DSCAML1: variants seen among roughly 807,000 people sequenced by gnomAD.
DSCAML1 encodes the protein DS cell adhesion molecule like 1, also known as cell adhesion molecule DSCAML1.
Under a neutral mutation model 200.5 loss-of-function variants are expected in DSCAML1, and 38 were observed. That is an observed-to-expected ratio of 0.19 (90% CI 0.15 to 0.25). The LOEUF is 0.25. DSCAML1 is among the 10% of genes least tolerant of loss of function. The pLI is 1.00. For synonymous variants in DSCAML1, 1,215 were observed against 1,165.0 expected (o/e 1.04, Z -0.87); for missense variants, 2,223 against 2,858.8 (o/e 0.78, Z 5.07).
At chr11:117,635,125 G>A (rs2052251996) in intron 3 of DSCAML1, among the ~76,000 whole-genome samples, 1 of 152,210 alleles carries the variant, frequency 6.6e-6, no homozygotes, top group Non-Finnish European at 1.5e-5. Context: ...TGGAAGCACA[G>A]GCTGCTCTCA....
intron 3 of DSCAML1, among the ~76,000 whole-genome samples, chr11:117,756,006 A>G (rs531454547): frequency 6.6e-5 from 10 of 152,372 alleles, no homozygotes; most frequent in African/African-American, 1.4e-4. Context: ...GCTTACTGCC[A>G]TGAGTTTTCT....
intron 3 of DSCAML1, among the ~76,000 whole-genome samples, chr11:117,734,499 G>A (rs943584739): frequency 6.6e-6 from 1 of 152,140 alleles, no homozygotes; most frequent in African/African-American, 2.4e-5. Context: ...GCCACCTCGG[G>A]CTCTCCCCCA....
At chr11:117,609,704 T>C (rs1331975403) in intron 3 of DSCAML1, among the ~76,000 whole-genome samples, 1 of 152,244 alleles carries the variant, frequency 6.6e-6, no homozygotes, top group Non-Finnish European at 1.5e-5. Context: ...GGTGTTAGTA[T>C]TTTCTTAATG....
At chr11:117,625,024 C>T (rs979515882) in intron 3 of DSCAML1, among the ~76,000 whole-genome samples, 1 of 152,042 alleles carries the variant, frequency 6.6e-6, no homozygotes, top group Non-Finnish European at 1.5e-5. Flanking sequence ...GGAGTGTGGC[C>T]GGGGCTTTGG....
In DSCAML1 at chr11:117,490,938, TG is replaced by T. The variant is rs1042813011; in HGVS notation, c.2360-8777del. Among the ~76,000 whole-genome samples, 193 of 152,306 alleles carry T rather than the reference TG, an allele frequency of 1.3e-3. 4 individuals carry two copies. Among genetic ancestry groups the T allele is most frequent in the East Asian group, 5.8e-4 (3 of 5,190 alleles). Reference sequence around the variant, plus strand: ...GCAGGCTGGGGCTGGAGGCAGGATCTGGGGAGAACGGTGAGTCTGGCCTTCC... The same window carrying T: ...GCAGGCTGGGGCTGGAGGCAGGATCTGGGAGAACGGTGAGTCTGGCCTTCC... On this transcript the variant is annotated intron_variant, in intron 11 of 32. Coordinates refer to ENST00000651296, the MANE Select transcript of DSCAML1 (RefSeq NM_020693.4).
chr11:117,621,250 C>G (rs1266164566), intron 3 of DSCAML1, among the ~76,000 whole-genome samples: 1 of 152,204 alleles, frequency 6.6e-6, no homozygotes, highest in Non-Finnish European at 1.5e-5. Context: ...TTTTATTACT[C>G]TTTTTATTGG....
At chr11:117,675,101 A>G (rs896953743) in intron 3 of DSCAML1, among the ~76,000 whole-genome samples, 2 of 152,176 alleles carry the variant, frequency 1.3e-5, no homozygotes, top group African/African-American at 2.4e-5. Context: ...TAAAAAGAAG[A>G]TAGTAATAGC....
At chr11:117,706,631 C>T (rs577202864) in intron 3 of DSCAML1, among the ~76,000 whole-genome samples, 8 of 152,216 alleles carry the variant, frequency 5.3e-5, no homozygotes, top group Non-Finnish European at 1.0e-4. Context: ...TCGCAGCCAA[C>T]GCCCTCACCT....
At chr11:117,809,903 TCACACACA>T (rs201683364) in intron 1 of DSCAML1, among the ~76,000 whole-genome samples, 1 of 148,756 alleles carries the variant, frequency 6.7e-6, no homozygotes, top group Non-Finnish European at 1.5e-5. Flanking sequence ...ACCCACACAC[TCACACACA>T]CATTCACACA....
rs2048883032 is a variant in DSCAML1 at position 117,480,212 on chromosome 11, A to G, written c.2785+231T>C. Among the ~76,000 whole-genome samples the G allele has an allele frequency of 6.6e-6, 1 of 152,196 alleles. No homozygotes were observed. Among genetic ancestry groups the G allele is most frequent in the Non-Finnish European group, 1.5e-5 (1 of 68,042 alleles). On this transcript the variant is annotated intron_variant, in intron 14 of 32. Coordinates refer to ENST00000651296, the MANE Select transcript of DSCAML1 (RefSeq NM_020693.4). The surrounding 1 kb of genome is among the most constrained non-coding windows in gnomAD (Gnocchi z 4.1). Reference sequence around the variant, plus strand: ...CAGGGACAGTCCTGGAAAGGAGCTGACATCACTACCCATCAACTGGGGGTC... The same window carrying G: ...CAGGGACAGTCCTGGAAAGGAGCTGGCATCACTACCCATCAACTGGGGGTC...
intron 11 of DSCAML1, among the ~76,000 whole-genome samples, chr11:117,493,094 G>C (rs1415631256): frequency 6.6e-6 from 1 of 152,156 alleles, no homozygotes; most frequent in Non-Finnish European, 1.5e-5. Flanking sequence ...CAAGGGGTAG[G>C]GGTGAGGGTC....
chr11:117,659,219 C>A (rs1444467967), intron 3 of DSCAML1, among the ~76,000 whole-genome samples: 1 of 152,154 alleles, frequency 6.6e-6, no homozygotes, highest in Non-Finnish European at 1.5e-5. Context: ...CCCCTTGCAC[C>A]CAGTGGTCAA....
At chr11:117,729,939 G>A (rs2054192355) in intron 3 of DSCAML1, among the ~76,000 whole-genome samples, 2 of 152,252 alleles carry the variant, frequency 1.3e-5, no homozygotes, top group Non-Finnish European at 2.9e-5. Context: ...AGTGGCTCAC[G>A]CCTGTAATCC....
intron 14 of DSCAML1, among the ~76,000 whole-genome samples, chr11:117,476,537 G>A (rs750408754): frequency 3.9e-5 from 6 of 152,180 alleles, no homozygotes; most frequent in Non-Finnish European, 5.9e-5. Context: ...CATGGTGGCC[G>A]GCACAGCCCC....
At position 117,458,859 on chromosome 11, in the gene DSCAML1, G is replaced by A. The variant is rs1358475816; in HGVS notation, c.3463C>T (p.Arg1155Trp). The A allele has an allele frequency of 5.6e-6, 9 of 1,613,852 alleles. No individual in the cohort carries two copies. Among genetic ancestry groups the A allele is most frequent in the South Asian group, 2.2e-5 (2 of 91,080 alleles). ...TAGTTGGTGAACTTCTCCATGCCCC[G>A]CAGCTCCACCCGCTCCCGCGTGGTG... ...ITTTRERVEL[R>W]GMEKFTNYSV... The change falls in exon 19 of 33, where the codon CGG (arginine) becomes TGG (tryptophan). Residue 1155 changes from arginine (R) to tryptophan (W), a missense_variant. Transcript: ENST00000651296.
intron 3 of DSCAML1, among the ~76,000 whole-genome samples, chr11:117,556,834 A>G (rs969687789): frequency 1.3e-5 from 2 of 152,218 alleles, no homozygotes; most frequent in African/African-American, 4.8e-5. Context: ...GTAGCCATCC[A>G]TCTAGATTCT....
At chr11:117,585,962 G>A (rs985294036) in intron 3 of DSCAML1, among the ~76,000 whole-genome samples, 5 of 152,124 alleles carry the variant, frequency 3.3e-5, no homozygotes, top group African/African-American at 9.7e-5. Flanking sequence ...TGATTCACCC[G>A]GGATCTGCAG....
At chr11:117,729,221 A>G (rs1479327740) in intron 3 of DSCAML1, among the ~76,000 whole-genome samples, 2 of 152,250 alleles carry the variant, frequency 1.3e-5, no homozygotes, top group Non-Finnish European at 2.9e-5. Flanking sequence ...ATCCACATGC[A>G]AAAGAACGGA....
At chr11:117,600,703 C>A (rs914338963) in intron 3 of DSCAML1, among the ~76,000 whole-genome samples, 1 of 152,254 alleles carries the variant, frequency 6.6e-6, no homozygotes, top group Non-Finnish European at 1.5e-5. Flanking sequence ...GAACACTCAA[C>A]CTGTCATTAT....
Sources: allele counts gnomAD v4.1 joint callset (sites outside exome capture counted in the v4.1 genomes callset), GRCh38; gene constraint gnomAD v4.1.1; non-coding constraint Gnocchi (gnomAD v3.1); transcripts MANE v1.5; gene names NCBI Gene and HGNC (gene_info 2026-07-23, HGNC 2026-07-21).